The following TEX26 variants were observed in gnomAD, a reference collection of about 807,000 sequenced individuals.
The protein encoded by TEX26 is testis-expressed protein 26.
Under a neutral mutation model 35.3 loss-of-function variants are expected in TEX26, and 34 were observed. That is an observed-to-expected ratio of 0.96 (90% CI 0.73 to 1.28). The LOEUF is 1.28. TEX26 is among the 50% of genes most tolerant of loss of function. The pLI is 0.00. For missense variants in TEX26, 371 were observed against 330.1 expected, an observed-to-expected ratio of 1.12 and a Z score of -0.96; for synonymous variants, 136 against 111.8, an observed-to-expected ratio of 1.22 and a Z score of -1.36.
At chr13:30,940,322 CTTTTTTTTTTTTTT>C (rs869246492) in intron 2 of TEX26, among the ~76,000 whole-genome samples, 3 of 52,044 alleles carry the variant, frequency 5.8e-5, no homozygotes, top group African/African-American at 1.5e-4. Flanking sequence ...CATCAGCTGC[CTTTTTTTTTTTTTT>C]TTTTTTTTTT....
At position 30,966,271 on chromosome 13, in the gene TEX26, A is replaced by G. The variant is rs779710580; in HGVS notation, c.519A>G (p.Leu173=). The G allele has an allele frequency of 2.5e-6, 4 of 1,614,004 alleles. No homozygotes were observed. Among genetic ancestry groups the G allele is most frequent in the Non-Finnish European group, 3.4e-6 (4 of 1,180,004 alleles). Residue 173 remains leucine, a synonymous_variant, in exon 5 of 7, where the codon TTA becomes TTG. Transcript: ENST00000380473. ...ACTTGTCTCTGGAATGGAAAAAGTT[A>G]CTTCCCCAACCTCCAGACACTGAAT... ...SSHLSLEWKK[L]LPQPPDTEFR... is the part of the protein sequence containing the mutation.
At chr13:30,940,599 T>C (rs935207036) in intron 2 of TEX26, among the ~76,000 whole-genome samples, 2 of 152,096 alleles carry the variant, frequency 1.3e-5, no homozygotes, top group Non-Finnish European at 2.9e-5. Flanking sequence ...TTCCCAAGTG[T>C]TGGGATTACA....
At chr13:30,962,384 A>G (rs1026768436) in intron 4 of TEX26, among the ~76,000 whole-genome samples, 1 of 152,034 alleles carries the variant, frequency 6.6e-6, no homozygotes, top group Non-Finnish European at 1.5e-5. Context: ...GCATACCTCC[A>G]TGCCTCGTGG....
At chr13:30,938,110 T>C (rs998813663) in intron 1 of TEX26, among the ~76,000 whole-genome samples, 9 of 152,160 alleles carry the variant, frequency 5.9e-5, no homozygotes, top group South Asian at 2.1e-4. Flanking sequence ...CTAGAGAACA[T>C]TGTGTATTCA....
chr13:30,967,982 C>T (rs1319535021), intron 5 of TEX26, among the ~76,000 whole-genome samples: 2 of 152,242 alleles, frequency 1.3e-5, no homozygotes, highest in East Asian at 3.9e-4. Context: ...AGGAGATGTC[C>T]TGAAAGAAGA....
intron 4 of TEX26, among the ~76,000 whole-genome samples, chr13:30,961,479 A>G (rs1954339724): frequency 6.6e-6 from 1 of 152,200 alleles, no homozygotes; most frequent in African/African-American, 2.4e-5. Context: ...GCAGTCATCT[A>G]GGCTTCAGCT....
intron 4 of TEX26, among the ~76,000 whole-genome samples, chr13:30,957,334 C>T (rs1954176895): frequency 6.6e-6 from 1 of 152,026 alleles, no homozygotes; most frequent in East Asian, 1.9e-4. Flanking sequence ...AGTGTTGTTA[C>T]AGGATTGAAG....
intron 4 of TEX26, among the ~76,000 whole-genome samples, chr13:30,965,086 C>T (rs2138320118): frequency 6.6e-6 from 1 of 152,226 alleles, no homozygotes; most frequent in East Asian, 1.9e-4. Context: ...AAGTTCCTCC[C>T]CTCTATAACC....
At chr13:30,950,645 G>A (rs1269236045) in intron 2 of TEX26, among the ~76,000 whole-genome samples, 1 of 152,174 alleles carries the variant, frequency 6.6e-6, no homozygotes, top group Non-Finnish European at 1.5e-5. Context: ...TCTCAGCCAT[G>A]CTCTATGACT....
At chr13:30,964,086 T>A (rs1164870533) in intron 4 of TEX26, among the ~76,000 whole-genome samples, 1 of 152,158 alleles carries the variant, frequency 6.6e-6, no homozygotes, top group Non-Finnish European at 1.5e-5. Flanking sequence ...TTGTCAAAGC[T>A]CCTTACTGTG....
chr13:30,972,596 G>C (rs1954751333), intron 6 of TEX26, among the ~76,000 whole-genome samples: 1 of 152,168 alleles, frequency 6.6e-6, no homozygotes, highest in Non-Finnish European at 1.5e-5. Flanking sequence ...GAATATTAAA[G>C]AGTAAATAAT....
intron 4 of TEX26, among the ~76,000 whole-genome samples, chr13:30,957,845 G>T (rs1226545410): frequency 5.3e-5 from 8 of 152,228 alleles, no homozygotes; most frequent in Non-Finnish European, 1.0e-4. Context: ...ACAAATAAAT[G>T]AATGATAGGG....
chr13:30,940,526 G>T (rs576862912), intron 2 of TEX26, among the ~76,000 whole-genome samples: 15 of 151,528 alleles, frequency 9.9e-5, no homozygotes, highest in African/African-American at 3.6e-4. Flanking sequence ...GTAGAGAGAG[G>T]GTTTCACTGT....
At chr13:30,949,060 G>A (rs901380586) in intron 2 of TEX26, among the ~76,000 whole-genome samples, 2 of 152,098 alleles carry the variant, frequency 1.3e-5, no homozygotes, top group Admixed American at 1.3e-4. Context: ...TAGATATGCG[G>A]CATTATTTCT....
chr13:30,964,726 CT>C (rs975891978), intron 4 of TEX26, among the ~76,000 whole-genome samples: 1 of 152,180 alleles, frequency 6.6e-6, no homozygotes, highest in African/African-American at 2.4e-5. Flanking sequence ...GTACTGGCAC[CT>C]TGCAAGAGCC....
intron 3 of TEX26, among the ~76,000 whole-genome samples, chr13:30,955,824 G>A (rs537640423): frequency 3.3e-5 from 5 of 152,218 alleles, no homozygotes; most frequent in South Asian, 4.2e-4. Flanking sequence ...GGGCACCTGC[G>A]CGGCTCCCCT....
intron 2 of TEX26, among the ~76,000 whole-genome samples, chr13:30,948,814 C>T (rs898051678): frequency 6.2e-4 from 94 of 152,244 alleles, no homozygotes; most frequent in Non-Finnish European, 4.4e-4. Flanking sequence ...AAGTCCTTGG[C>T]CATGTCTATG....
chr13:30,941,770 C>T (rs1379671994), intron 2 of TEX26, among the ~76,000 whole-genome samples: 1 of 152,146 alleles, frequency 6.6e-6, no homozygotes, highest in Non-Finnish European at 1.5e-5. Context: ...TTCCTGCATT[C>T]CTGAGTTACT....
chr13:30,956,165 CT>C (rs1230003231), intron 3 of TEX26, among the ~76,000 whole-genome samples: 1 of 116,676 alleles, frequency 8.6e-6, no homozygotes, highest in Non-Finnish European at 1.7e-5. Context: ...TCCCTCCCCC[CT>C]CCCCCCACCC....
Sources: gnomAD v4.1 joint callset for allele counts (sites outside exome capture counted in the v4.1 genomes callset) on GRCh38, gnomAD v4.1.1 for gene constraint, MANE v1.5 for transcripts, NCBI Gene and HGNC (gene_info 2026-07-23, HGNC 2026-07-21) for gene names.